BEST2: variants seen among roughly 807,000 people sequenced by gnomAD.
BEST2 encodes the protein bestrophin 2.
Under a neutral mutation model 49.0 loss-of-function variants are expected in BEST2, and 36 were observed. The observed-to-expected ratio is 0.73, with a 90% confidence interval of 0.56 to 0.97. The LOEUF (loss-of-function observed/expected upper bound fraction) is 0.97. BEST2 is among the 50% of genes least tolerant of loss of function. The pLI, the probability that BEST2 is intolerant of heterozygous loss-of-function variation, is 0.00. For synonymous variants in BEST2, 335 were observed against 304.4 expected, an observed-to-expected ratio of 1.10 and a Z score of -1.05; for missense variants, 672 against 710.0, an observed-to-expected ratio of 0.95 and a Z score of 0.61.
At chr19:12,756,560 G>T in intron 9 of BEST2, 1 of 489,636 alleles carries the variant, frequency 2.0e-6, no homozygotes, top group Non-Finnish European at 3.7e-6. Context: ...GATGAGGGCT[G>T]AGGCCAGGAG....
chr19:12,757,773 C>A lies in BEST2; in HGVS notation c.1226C>A (p.Pro409Gln). ...GGCGCGGGCATGGTCGCGGGAGGCC[C>A]GCTGGGCCGGCGCCTGTCCTTTCTA... ...PAGAGMVAGG[P>Q]LGRRLSFLLR... The change falls in exon 10 of 10, where the codon CCG (proline) becomes CAG (glutamine). Residue 409 changes from proline to glutamine, a missense_variant. This residue lies in a region of BEST2 where 291 missense variants were observed against 279.8 expected (regional missense o/e 1.04). Coordinates refer to ENST00000553030, the MANE Select transcript of BEST2 (RefSeq NM_017682.3). 2 of 1,545,618 alleles carry A rather than the reference C, an allele frequency of 1.3e-6. No individual in the cohort carries two copies. The highest frequency in any genetic ancestry group is 1.7e-6 in the Non-Finnish European group (2 of 1,146,080).
chr19:12,752,723 T>C lies in BEST2; in HGVS notation c.131T>C (p.Met44Thr), dbSNP rs1306514244. ...CTGCTCTGCTTCCTTGGGTTCTACA[T>C]GGCGCTGAGTGCTGCCTACCGGTGA... The part of the protein sequence containing the change: ...RELLCFLGFY[M>T]ALSAAYRFVL... Residue 44 changes from methionine to threonine, a missense_variant, in exon 2 of 10, where the codon ATG becomes ACG. By Grantham distance (81) the Met-to-Thr change is moderately conservative. Transcript: ENST00000553030. 6.2e-7 allele frequency: 1 copy of C among 1,612,156 alleles called. No homozygotes were observed. Among genetic ancestry groups the C allele is most frequent in the South Asian group, 1.1e-5 (1 of 91,000 alleles).
In BEST2 at chr19:12,754,713, G is replaced by C. The variant is rs778596981; in HGVS notation, c.409G>C (p.Val137Leu). ...CATGCGCTACGCAGGGCTCTCGGCC[G>C]TGCTCATCCTGCGCTCCGTCAGCAC... ...TLMRYAGLSA[V>L]LILRSVSTAV... The change falls in exon 4 of 10, where the codon GTG becomes CTG. Residue 137 changes from valine to leucine, a missense_variant. Around this residue, in one of 3 missense-constraint regions of BEST2, gnomAD observed 365 missense variants for 390.9 expected, o/e 0.93. Transcript: ENST00000553030. 53 of 1,591,040 alleles carry C rather than the reference G, an allele frequency of 3.3e-5. No homozygotes were observed. The highest frequency in any genetic ancestry group is 4.3e-5 in the Non-Finnish European group (50 of 1,168,756).
chr19:12,756,305 T>G lies in BEST2; in HGVS notation c.1103+10T>G. On this transcript the variant is annotated intron_variant, in intron 9 of 9. Coordinates refer to ENST00000553030, the MANE Select transcript of BEST2 (RefSeq NM_017682.3). ...CCACCTTTGACATCACGTGAGCCAG[T>G]TGGGTGGGCAGGGCCGCCTGGGGCA... 5 of 1,612,084 alleles carry G rather than the reference T, an allele frequency of 3.1e-6. No homozygotes were observed. The highest frequency in any genetic ancestry group is 4.2e-6 in the Non-Finnish European group (5 of 1,179,956).
rs542149794 is a variant in BEST2 at position 12,755,204 on chromosome 19, G to A, written c.636+173G>A. Among the ~76,000 whole-genome samples, 43 of 152,130 alleles carry A rather than the reference G, an allele frequency of 2.8e-4. 2 individuals carry two copies. The South Asian group carries it at 7.9e-3, about 28-fold the overall frequency. ...AATGCCCTTGAGGGGCAGCTCCTGG[G>A]TGCATGGTACCTCATCCAGGTGCAC... On this transcript the variant is annotated intron_variant, in intron 5 of 9. Coordinates refer to ENST00000553030, the MANE Select transcript of BEST2 (RefSeq NM_017682.3). The surrounding 1 kb of genome is among the most constrained non-coding windows in gnomAD (Gnocchi z 4.4).
chr19:12,755,899 C>A lies in BEST2; in HGVS notation c.912C>A (p.Asp304Glu), dbSNP rs776837626. The A allele has an allele frequency of 6.2e-7, 1 of 1,614,190 alleles. No individual in the cohort carries two copies. Among genetic ancestry groups the A allele is most frequent in the Non-Finnish European group, 8.5e-7 (1 of 1,180,002 alleles). ...LINPFGEDDD[D>E]FETNFLIDRN... The stretch of plus-strand genomic sequence containing the variant: ...ACCCCTTCGGAGAGGACGATGATGA[C>A]TTTGAGACCAACTTTCTGATCGATA... The change falls in exon 8 of 10, where the codon GAC (aspartate) becomes GAA (glutamate). Residue 304 changes from aspartate to glutamate, a missense_variant. Asp to Glu is a conservative substitution (Grantham distance 45). Coordinates refer to ENST00000553030, the MANE Select transcript of BEST2 (RefSeq NM_017682.3). The surrounding 1 kb of genome is among the most constrained non-coding windows in gnomAD (Gnocchi z 4.4).
chr19:12,751,870 G>C (rs1463040388), intron 1 of BEST2, 31 bp downstream of exon 1: 1 of 152,744 alleles, frequency 6.5e-6, no homozygotes, highest in Non-Finnish European at 1.5e-5. Context: ...GGGAAATAGG[G>C]GGCCCTGAGG....
intron 9 of BEST2, chr19:12,756,685 TA>T: frequency 9.6e-6 from 2 of 209,414 alleles, no homozygotes; most frequent in Non-Finnish European, 9.8e-6. Context: ...CCGTCTCTAC[TA>T]AAAATAAAAA....
chr19:12,754,422 T>TTTTGG (rs1393417575), intron 3 of BEST2, 130 bp from the exon 4 acceptor site: 1 of 750,678 alleles, frequency 1.3e-6, no homozygotes, highest in African/African-American at 1.8e-5. Context: ...AGCCCAAACG[T>TTTTGG]GGTCAGGTTG....
rs140746522 is a variant in BEST2 at position 12,754,890 on chromosome 19, C to T, written c.495C>T (p.Arg165=). The T allele has an allele frequency of 5.5e-4, 888 of 1,612,672 alleles. 9 individuals carry two copies. In the East Asian group the frequency reaches 0.019, roughly 34 times the overall value. ...DHVVEAGFMT[R]EERKKFENLN... Reference sequence around the variant, plus strand: ...CCTTTCCTCCAGGGTTTATGACCCGCGAGGAGCGCAAGAAGTTTGAAAACC... The same window carrying T: ...CCTTTCCTCCAGGGTTTATGACCCGTGAGGAGCGCAAGAAGTTTGAAAACC... Residue 165 remains arginine, a synonymous_variant, in exon 5 of 10, where the codon CGC becomes CGT. Coordinates refer to ENST00000553030, the MANE Select transcript of BEST2 (RefSeq NM_017682.3).
rs767255195 is a variant in BEST2 at position 12,757,907 on chromosome 19, G to T, written c.1360G>T (p.Asp454Tyr). The part of the protein sequence containing the change: ...PECSCGDPLL[D>Y]PGLPEPEAPP... The stretch of plus-strand genomic sequence containing the variant: ...GTGCAGCTGCGGGGACCCGCTGCTC[G>T]ACCCCGGCCTGCCGGAGCCCGAGGC... The change falls in exon 10 of 10, where the codon GAC becomes TAC. Residue 454 changes from aspartate (D) to tyrosine (Y), a missense_variant. By Grantham distance (160) the Asp-to-Tyr change is radical (BLOSUM62 -3). Transcript: ENST00000553030. The T allele has an allele frequency of 6.4e-7, 1 of 1,556,754 alleles. No homozygotes were observed. Among genetic ancestry groups the T allele is most frequent in the Non-Finnish European group, 8.7e-7 (1 of 1,152,076 alleles).
At position 12,755,680 on chromosome 19, in the gene BEST2, G is replaced by C. The variant is rs540027410; in HGVS notation, c.780G>C (p.Pro260=). The change falls in exon 7 of 10, where the codon CCG becomes CCC. Residue 260 remains proline (P), a synonymous_variant. Coordinates refer to ENST00000553030, the MANE Select transcript of BEST2 (RefSeq NM_017682.3). The surrounding 1 kb of genome is among the most constrained non-coding windows in gnomAD (Gnocchi z 4.4). ...ACLIGRQFLD[P]AQGYKDHDLD... ...TCATTGGTCGCCAGTTCCTGGACCC[G>C]GCTCAGGGTTACAAAGACCACGACC... is the stretch of plus-strand genomic sequence containing the variant. The C allele has an allele frequency of 3.7e-6, 6 of 1,614,052 alleles. No individual in the cohort carries two copies. Among genetic ancestry groups the C allele is most frequent in the Non-Finnish European group, 5.1e-6 (6 of 1,180,022 alleles).
At position 12,754,679 on chromosome 19, in the gene BEST2, G is replaced by A. The variant is rs1967914793; in HGVS notation, c.375G>A (p.Arg125=). The A allele has an allele frequency of 6.3e-7, 1 of 1,577,292 alleles. No individual in the cohort carries two copies. Among genetic ancestry groups the A allele is most frequent in the East Asian group, 2.3e-5 (1 of 42,900 alleles). The change falls in exon 4 of 10, where the codon CGG becomes CGA. Residue 125 remains arginine, a synonymous_variant. Coordinates refer to ENST00000553030, the MANE Select transcript of BEST2 (RefSeq NM_017682.3). ...GCGACGACCGCGGCCGCCTCTACCG[G>A]CGCACACTCATGCGCTACGCAGGGC... ...HGRDDRGRLY[R]RTLMRYAGLS... is the part of the protein sequence containing the mutation.
chr19:12,754,704 C>G lies in BEST2; in HGVS notation c.400C>G (p.Leu134Val). The G allele has an allele frequency of 1.3e-6, 2 of 1,588,390 alleles. No individual in the cohort carries two copies. Among genetic ancestry groups the G allele is most frequent in the Non-Finnish European group, 1.7e-6 (2 of 1,167,324 alleles). The change falls in exon 4 of 10, where the codon CTC becomes GTC. Residue 134 changes from leucine (L) to valine (V), a missense_variant. By Grantham distance (32) the Leu-to-Val change is conservative. Transcript: ENST00000553030. ...YRRTLMRYAGLSAVLILRSVS... is the reference protein window; with the variant it reads ...YRRTLMRYAGVSAVLILRSVS... ...GCGCACACTCATGCGCTACGCAGGG[C>G]TCTCGGCCGTGCTCATCCTGCGCTC...
In BEST2 at chr19:12,755,597, C is replaced by G; in HGVS notation, c.715-18C>G. The G allele has an allele frequency of 6.2e-7, 1 of 1,610,802 alleles. No individual in the cohort carries two copies. The highest frequency in any genetic ancestry group is 8.5e-7 in the Non-Finnish European group (1 of 1,177,880). ...TGGACCCCAATGACCCCCCTGAGCC[C>G]TGCCCCGCCCTGCCCAGGTGGTGAC... On this transcript the variant is annotated intron_variant, in intron 6 of 9. Transcript: ENST00000553030. This position sits in a 1 kb window ranked among gnomAD's most constrained non-coding sequence, Gnocchi z 4.4.
rs1484235536 is a variant in BEST2 at position 12,758,210 on chromosome 19, G to A, written c.*133G>A. ...CACTTTTGACCAGCTCTCGCTGCCC[G>A]CATGTGTTTGGCGCTGTGCTAGGGG... On this transcript the variant is annotated 3_prime_UTR_variant, in exon 10 of 10. Transcript: ENST00000553030. 7.0e-6 allele frequency: 8 copies of A among 1,141,464 alleles called. No individual in the cohort carries two copies. The Middle Eastern group carries it at 8.3e-4, about 118-fold the overall frequency. The allele number at this position is 1,141,464 out of a possible 1,614,324, so 70.7% of individuals were successfully genotyped here.
intron 1 of BEST2, among the ~76,000 whole-genome samples, chr19:12,752,272 G>T (rs1423651997): frequency 6.6e-6 from 1 of 151,798 alleles, no homozygotes; most frequent in Non-Finnish European, 1.5e-5. Context: ...GAAGGGGATC[G>T]GGCAGAGGGT....
intron 9 of BEST2, 198 bp downstream of exon 9, chr19:12,756,493 C>T (rs1306202984): frequency 2.8e-6 from 2 of 724,562 alleles, no homozygotes; most frequent in East Asian, 2.8e-5. Flanking sequence ...TGACTGGGGA[C>T]AGAGCTAAGG....
chr19:12,756,207 G>C lies in BEST2; in HGVS notation c.1015G>C (p.Asp339His). The change falls in exon 9 of 10, where the codon GAT (aspartate) becomes CAT (histidine). Residue 339 changes from aspartate to histidine, a missense_variant. Transcript: ENST00000553030. ...LAVLEKDLYW[D>H]AAEARAPYTA... is the part of the protein sequence containing the mutation. Reference sequence around the variant, plus strand: ...TGTGCTGGAGAAGGACTTGTACTGGGATGCAGCCGAGGCTCGCGCCCCATA... The same window carrying C: ...TGTGCTGGAGAAGGACTTGTACTGGCATGCAGCCGAGGCTCGCGCCCCATA... 1 of 1,614,258 alleles carries C rather than the reference G, an allele frequency of 6.2e-7. No individual in the cohort carries two copies. Among genetic ancestry groups the C allele is most frequent in the Non-Finnish European group, 8.5e-7 (1 of 1,180,052 alleles).
Sources: gnomAD v4.1 joint callset for allele counts (sites outside exome capture counted in the v4.1 genomes callset) on GRCh38, gnomAD v4.1.1 for gene constraint, gnomAD v4.1.1 regional missense constraint, Gnocchi (gnomAD v3.1) non-coding constraint, MANE v1.5 for transcripts, NCBI Gene and HGNC (gene_info 2026-07-23, HGNC 2026-07-21) for gene names.